ABCA13: variants seen among roughly 807,000 people sequenced by gnomAD.
The protein encoded by ABCA13 is ATP-binding cassette sub-family A member 13.
ABCA13 carries 476 observed loss-of-function variants against 478.7 expected under a neutral mutation model. The observed-to-expected ratio is 0.99, with a 90% CI of 0.92 to 1.07. The LOEUF (loss-of-function observed/expected upper bound fraction) is 1.07, where lower values mean the gene tolerates loss of function less well. Among genes scored for constraint, ABCA13 ranks in the 50% least tolerant of loss-of-function variants. ABCA13 has a pLI of 0.00. For synonymous variants in ABCA13, 2,252 were observed against 2,158.9 expected, an observed-to-expected ratio of 1.04 and a Z score of -1.20; for missense variants, 6,060 against 5,910.6, an observed-to-expected ratio of 1.03 and a Z score of -0.83.
At chr7:48,371,356 A>T (rs1016321124) in intron 32 of ABCA13, among the ~76,000 whole-genome samples, 3 of 152,186 alleles carry the variant, frequency 2.0e-5, no homozygotes, top group African/African-American at 7.2e-5. Flanking sequence ...CATTGAATCT[A>T]TAAATTACTT....
rs1373384183 is a variant in ABCA13, at chr7:48,275,324, G to T, written c.5658G>T (p.Val1886=). The change falls in exon 17 of 62, where the codon GTG becomes GTT. Residue 1886 remains valine (V), a synonymous_variant. Coordinates refer to ENST00000435803, the MANE Select transcript of ABCA13 (RefSeq NM_152701.5). The stretch of plus-strand genomic sequence containing the variant: ...CCCGAATGGAAATAACTAGGAAAGT[G>T]GTCTGCATAATTCATGAATTAGTGG... ...ESSRMEITRK[V]VCIIHELVDW... is the part of the protein sequence containing the mutation. 6.2e-7 allele frequency: 1 copy of T among 1,613,854 alleles called. No individual in the cohort carries two copies. The highest frequency in any genetic ancestry group is 2.2e-5 in the East Asian group (1 of 44,864).
At chr7:48,198,206 G>A (rs868276886) in intron 2 of ABCA13, 31 bp from the exon 3 acceptor site, 2 of 1,599,488 alleles carry the variant, frequency 1.3e-6, no homozygotes, top group Middle Eastern at 1.7e-4. Flanking sequence ...GCAGGTATAC[G>A]GACTCATTTC....
chr7:48,512,024 T>C (rs1480909933), intron 51 of ABCA13, among the ~76,000 whole-genome samples: 1 of 151,860 alleles, frequency 6.6e-6, no homozygotes, highest in Non-Finnish European at 1.5e-5. Flanking sequence ...GATGATTGTA[T>C]AGGTGGGTGG....
intron 1 of ABCA13, among the ~76,000 whole-genome samples, chr7:48,179,683 C>T (rs1189104922): frequency 6.6e-6 from 1 of 152,154 alleles, no homozygotes; most frequent in Non-Finnish European, 1.5e-5. Context: ...TCAGCTCATT[C>T]AGAATGATGT....
chr7:48,238,141 T>C (rs1584372429), intron 8 of ABCA13, among the ~76,000 whole-genome samples: 1 of 152,196 alleles, frequency 6.6e-6, no homozygotes, highest in Non-Finnish European at 1.5e-5. Context: ...AAATTTATCT[T>C]GGTGTGTCCT....
chr7:48,625,028 A>G (rs575346494), intron 59 of ABCA13, among the ~76,000 whole-genome samples: 1 of 152,242 alleles, frequency 6.6e-6, no homozygotes, highest in Non-Finnish European at 1.5e-5. Context: ...GGATCCCATC[A>G]TAGATGTGTT....
chr7:48,607,159 G>A (rs551645745), intron 58 of ABCA13, among the ~76,000 whole-genome samples: 24 of 152,300 alleles, frequency 1.6e-4, no homozygotes, highest in African/African-American at 4.8e-4. Flanking sequence ...GGTGGGACCC[G>A]CTGAGCCAGG....
intron 29 of ABCA13, among the ~76,000 whole-genome samples, chr7:48,343,833 T>C (rs956887589): frequency 1.3e-5 from 2 of 152,140 alleles, no homozygotes; most frequent in African/African-American, 4.8e-5. Context: ...TGTCCTCCAT[T>C]ACTCTAAGTG....
intron 42 of ABCA13, among the ~76,000 whole-genome samples, chr7:48,445,011 C>CT (rs34045232): frequency 0.27 from 38,015 of 141,398 alleles, 5,176 homozygotes; most frequent in East Asian, 0.36. Flanking sequence ...TTCTTTCTTT[C>CT]TTTTTTTTTT....
intron 3 of ABCA13, among the ~76,000 whole-genome samples, chr7:48,204,232 G>A (rs938252305): frequency 2.0e-5 from 3 of 146,616 alleles, no homozygotes; most frequent in African/African-American, 7.6e-5. Flanking sequence ...TTTTTTTTGA[G>A]ACAGTCTGGC....
intron 8 of ABCA13, among the ~76,000 whole-genome samples, chr7:48,239,006 T>C (rs981426081): frequency 7.2e-5 from 11 of 152,212 alleles, no homozygotes; most frequent in African/African-American, 2.7e-4. Flanking sequence ...CTCCATGTCC[T>C]TGGCCTGGAG....
At chr7:48,535,774 TGCCAGGGAA>T (rs1037372728) in intron 55 of ABCA13, among the ~76,000 whole-genome samples, 14 of 152,094 alleles carry the variant, frequency 9.2e-5, no homozygotes, top group Non-Finnish European at 1.9e-4. Flanking sequence ...TCACACAGGT[TGCCAGGGAA>T]GTGGGGTAAG....
Position 48,275,098 on chromosome 7 carries a change from T to C in ABCA13, c.5432T>C (p.Ile1811Thr), listed in dbSNP as rs1357289167. The change falls in exon 17 of 62, where the codon ATT becomes ACT. Residue 1811 changes from isoleucine (I) to threonine (T), a missense_variant. Physicochemically the swap from Ile to Thr is moderately conservative, Grantham distance 89. This residue lies in a region of ABCA13 where 4,423 missense variants were observed against 4,309.1 expected (regional missense o/e 1.03). Coordinates refer to ENST00000435803, the MANE Select transcript of ABCA13 (RefSeq NM_152701.5). ...TIELVSDKPD[I>T]ISEALACFPV... ...GAATTAGTATCAGATAAGCCAGATA[T>C]TATTTCAGAGGCTTTAGCTTGTTTT... 14 of 1,613,294 alleles carry C rather than the reference T, an allele frequency of 8.7e-6. No homozygotes were observed. Among genetic ancestry groups the C allele is most frequent in the Middle Eastern group, 1.6e-4 (1 of 6,080 alleles).
chr7:48,443,083 T>C (rs1341155502), intron 42 of ABCA13, among the ~76,000 whole-genome samples: 2 of 152,052 alleles, frequency 1.3e-5, no homozygotes, highest in African/African-American at 4.8e-5. Context: ...CACATAGAGA[T>C]AAAACCATGT....
At chr7:48,405,480 T>A (rs1445852441) in intron 39 of ABCA13, among the ~76,000 whole-genome samples, 2 of 152,326 alleles carry the variant, frequency 1.3e-5, no homozygotes, top group East Asian at 3.9e-4. Flanking sequence ...AGACATGGGA[T>A]ACTGACCACC....
At chr7:48,379,905 C>T (rs1445055923) in intron 35 of ABCA13, among the ~76,000 whole-genome samples, 4 of 152,152 alleles carry the variant, frequency 2.6e-5, no homozygotes, top group Non-Finnish European at 5.9e-5. Context: ...AACAGAAGAT[C>T]CATTTTCTGT....
At chr7:48,181,175 G>A (rs921762700) in intron 1 of ABCA13, among the ~76,000 whole-genome samples, 4 of 152,252 alleles carry the variant, frequency 2.6e-5, no homozygotes, top group South Asian at 4.1e-4. Context: ...CTGACTACAC[G>A]TATTAGGGCT....
In ABCA13 at chr7:48,310,098, T is replaced by C. The variant is rs758761072; in HGVS notation, c.9473T>C (p.Val3158Ala). The change falls in exon 24 of 62, where the codon GTG becomes GCG. Residue 3158 changes from valine (V) to alanine (A), a missense_variant. Physicochemically the swap from Val to Ala is moderately conservative, Grantham distance 64. Around this residue, in one of 3 missense-constraint regions of ABCA13, gnomAD observed 4,423 missense variants for 4,309.1 expected, o/e 1.03. Transcript: ENST00000435803. ...LPGSKVYSLI[V>A]LLSRNLDVRA... ...GGGTCAAAAGTGTATTCTCTGATTGTGTTGCTGAGTCGAAACTTGGATGTG... is the reference window on the plus strand; with the variant it reads ...GGGTCAAAAGTGTATTCTCTGATTGCGTTGCTGAGTCGAAACTTGGATGTG... 5 of 1,613,566 alleles carry C rather than the reference T, an allele frequency of 3.1e-6. No homozygotes were observed. The highest frequency in any genetic ancestry group is 4.2e-6 in the Non-Finnish European group (5 of 1,179,540).
At chr7:48,636,801 G>T (rs1014488959) in intron 59 of ABCA13, among the ~76,000 whole-genome samples, 6 of 152,086 alleles carry the variant, frequency 3.9e-5, no homozygotes, top group African/African-American at 1.4e-4. Flanking sequence ...TGGCTGCCAG[G>T]GTGCTGTCAT....
Sources: gnomAD v4.1 joint callset for allele counts (sites outside exome capture counted in the v4.1 genomes callset) on GRCh38, gnomAD v4.1.1 for gene constraint, gnomAD v4.1.1 regional missense constraint, MANE v1.5 for transcripts, NCBI Gene and HGNC (gene_info 2026-07-23, HGNC 2026-07-21) for gene names.